THSD4: variants seen among roughly 807,000 people sequenced by gnomAD.
THSD4 encodes thrombospondin type 1 domain containing 4.
In THSD4, 69 loss-of-function variants were observed where a neutral mutation model predicts 119.0. The observed-to-expected ratio is 0.58, with a 90% confidence interval of 0.48 to 0.71. THSD4 has a LOEUF of 0.71. THSD4 is among the 30% of genes least tolerant of loss of function. The pLI is 0.00. For synonymous variants in THSD4, 524 were observed against 540.4 expected (o/e 0.97, Z 0.42); for missense variants, 1,393 against 1,391.1 (o/e 1.00, Z -0.02).
chr15:71,279,294 G>A (rs1178946935), intron 6 of THSD4, among the ~76,000 whole-genome samples: 2 of 150,760 alleles, frequency 1.3e-5, no homozygotes, highest in East Asian at 1.9e-4. Context: ...GCTTTGGCCC[G>A]TGTCCAGTGA....
intron 6 of THSD4, among the ~76,000 whole-genome samples, chr15:71,267,999 A>G (rs1198482378): frequency 6.6e-6 from 1 of 152,202 alleles, no homozygotes; most frequent in African/African-American, 2.4e-5. Context: ...AGACTCCCAC[A>G]CAATAATAGT....
chr15:71,357,720 G>A (rs933792497), intron 6 of THSD4, among the ~76,000 whole-genome samples: 14 of 152,176 alleles, frequency 9.2e-5, no homozygotes, highest in African/African-American at 3.4e-4. Context: ...TCCAGATACG[G>A]GGACAGAGAT....
At chr15:71,499,222 G>C (rs1224768163) in intron 7 of THSD4, among the ~76,000 whole-genome samples, 3 of 151,932 alleles carry the variant, frequency 2.0e-5, no homozygotes, top group African/African-American at 7.3e-5. Context: ...TTGCAGTTTT[G>C]CTTAATGCTC....
At chr15:71,427,611 A>G (rs554590910) in intron 7 of THSD4, among the ~76,000 whole-genome samples, 6 of 148,646 alleles carry the variant, frequency 4.0e-5, no homozygotes, top group African/African-American at 1.5e-4. Context: ...GACCCAGCAC[A>G]TACGAGATAC....
intron 7 of THSD4, among the ~76,000 whole-genome samples, chr15:71,625,925 T>G (rs2050500741): frequency 6.6e-6 from 1 of 152,176 alleles, no homozygotes; most frequent in South Asian, 2.1e-4. Context: ...CCTGGAGGAC[T>G]CTGCAGGATT....
At chr15:71,685,723 G>A (rs1244683280) in intron 8 of THSD4, among the ~76,000 whole-genome samples, 1 of 152,050 alleles carries the variant, frequency 6.6e-6, no homozygotes, top group Non-Finnish European at 1.5e-5. Context: ...CTTCTCCTTT[G>A]ATACTATACC....
chr15:71,141,661 G>T (rs1596220635), intron 2 of THSD4, 105 bp downstream of exon 2: 2 of 1,302,618 alleles, frequency 1.5e-6, no homozygotes, highest in East Asian at 5.0e-5. Flanking sequence ...GTCTGCAGCT[G>T]ACTGATATTT....
At chr15:71,744,280 C>T (rs574702881) in intron 11 of THSD4, among the ~76,000 whole-genome samples, 3 of 148,060 alleles carry the variant, frequency 2.0e-5, no homozygotes, top group South Asian at 2.2e-4. Flanking sequence ...CAGTTATAAA[C>T]ATTCATTCAA....
At chr15:71,291,805 A>G (rs1237091364) in intron 6 of THSD4, among the ~76,000 whole-genome samples, 1 of 152,162 alleles carries the variant, frequency 6.6e-6, no homozygotes, top group East Asian at 1.9e-4. Flanking sequence ...GTACTCAAAC[A>G]CATAACCTAC....
rs2051814935 is a variant in THSD4, at chr15:71,682,859, TC to T, written c.1357+22126del. Among the ~76,000 whole-genome samples, 4 of 17,964 alleles carry T rather than the reference TC, an allele frequency of 2.2e-4. No individual in the cohort carries two copies. The Admixed American group carries it at 3.0e-3, about 14-fold the overall frequency. 11.8% of individuals were successfully genotyped at this position (17,964 alleles called of 152,430 possible). A position where few individuals can be genotyped will look rare whatever the true frequency, so the allele number is the denominator to read the frequency against. On this transcript the variant is annotated intron_variant, in intron 8 of 17. Transcript: ENST00000261862. ...GCAATTCTTCCCTCTTTTGCTACTT[TC>T]TTTCTTTCTTTCTTTCTTTCTTTCT...
rs1430314563 is a variant in THSD4, at chr15:71,728,616, C to T, written c.1425C>T (p.Tyr475=). 8.7e-6 allele frequency: 14 copies of T among 1,614,046 alleles called. No homozygotes were observed. The highest frequency in any genetic ancestry group is 1.3e-5 in the African/African-American group (1 of 74,894). The part of the protein sequence containing the change: ...GNWAIDRPGK[Y]EGGGTMFTYK... ...GGGCAATTGATCGACCAGGAAAATA[C>T]GAGGGCGGAGGGACCATGTTCACCT... The change falls in exon 9 of 18, where the codon TAC becomes TAT. Residue 475 remains tyrosine, a synonymous_variant. Coordinates refer to ENST00000261862, the MANE Select transcript of THSD4 (RefSeq NM_024817.3).
At chr15:71,574,183 A>G (rs757808299) in intron 7 of THSD4, among the ~76,000 whole-genome samples, 2 of 152,174 alleles carry the variant, frequency 1.3e-5, no homozygotes, top group Non-Finnish European at 2.9e-5. Context: ...TAGTTCAAGT[A>G]TATGCCTTAG....
At chr15:71,618,437 TAA>T (rs1037546455) in intron 7 of THSD4, among the ~76,000 whole-genome samples, 1 of 152,188 alleles carries the variant, frequency 6.6e-6, no homozygotes, top group African/African-American at 2.4e-5. Flanking sequence ...AGCAAGCTAC[TAA>T]AGTTATGTTA....
chr15:71,737,636 C>A (rs1269215359), intron 10 of THSD4, 96 bp from the exon 11 acceptor site: 6 of 1,442,852 alleles, frequency 4.2e-6, no homozygotes, highest in Middle Eastern at 1.8e-4. Flanking sequence ...GAAACGATCT[C>A]ATGCTACACA....
At chr15:71,232,935 G>A (rs561539664) in intron 4 of THSD4, among the ~76,000 whole-genome samples, 1 of 152,270 alleles carries the variant, frequency 6.6e-6, no homozygotes, top group East Asian at 1.9e-4. Flanking sequence ...GACAGATGGG[G>A]ATGCTCTTAG....
chr15:71,580,516 T>C (rs1342289140), intron 7 of THSD4, among the ~76,000 whole-genome samples: 1 of 152,192 alleles, frequency 6.6e-6, no homozygotes, highest in East Asian at 1.9e-4. Flanking sequence ...ATCTACTCAA[T>C]TTCAAGCATA....
At chr15:71,127,225 G>C (rs1339926117) in intron 1 of THSD4, among the ~76,000 whole-genome samples, 2 of 152,180 alleles carry the variant, frequency 1.3e-5, no homozygotes, top group Admixed American at 1.3e-4. Flanking sequence ...ATGTCCTGCA[G>C]GTTCATCCAT....
Position 71,717,867 on chromosome 15 carries a change from G to A in THSD4, c.1358-10682G>A, listed in dbSNP as rs74022405. On this transcript the variant is annotated intron_variant, in intron 8 of 17. Coordinates refer to ENST00000261862, the MANE Select transcript of THSD4 (RefSeq NM_024817.3). ...CCTGCCCTGTGAAAAACTTACAGCA[G>A]GCTGGGCGCAGTGGCTTATGCCTGT... 2.6e-3 allele frequency among the ~76,000 whole-genome samples: 390 copies of A among 152,300 alleles called. 3 individuals are homozygous for A. Among genetic ancestry groups the A allele is most frequent in the African/African-American group, 9.0e-3 (375 of 41,574 alleles).
intron 8 of THSD4, among the ~76,000 whole-genome samples, chr15:71,718,746 C>G (rs879524130): frequency 3.9e-5 from 6 of 152,140 alleles, no homozygotes; most frequent in Non-Finnish European, 7.4e-5. Flanking sequence ...TTGTCCATGC[C>G]ATTCTTCAAG....
Sources: allele counts gnomAD v4.1 joint callset (sites outside exome capture counted in the v4.1 genomes callset), GRCh38; gene constraint gnomAD v4.1.1; transcripts MANE v1.5; gene names NCBI Gene and HGNC (gene_info 2026-07-23, HGNC 2026-07-21).